Variants in CDH12 observed in about 807,000 individuals in gnomAD.
CDH12 encodes cadherin-12.
CDH12 carries 41 observed loss-of-function variants against 74.1 expected under a neutral mutation model. The observed-to-expected ratio is 0.55, with a 90% CI of 0.43 to 0.72. The LOEUF (loss-of-function observed/expected upper bound fraction) is 0.72, where lower values mean the gene tolerates loss of function less well. CDH12 is among the 30% of genes least tolerant of loss of function. The pLI is 0.00. For missense variants in CDH12, 945 were observed against 977.2 expected (o/e 0.97, Z 0.44); for synonymous variants, 399 against 355.0 (o/e 1.12, Z -1.39).
intron 6 of CDH12, chr5:21,883,522 A>T (rs1276691724): frequency 1.2e-6 from 2 of 1,612,724 alleles, no homozygotes; most frequent in East Asian, 4.5e-5. Flanking sequence ...AATAGAAAGA[A>T]CCAACTTAAA....
chr5:21,970,243 C>G (rs1165560178), intron 6 of CDH12, among the ~76,000 whole-genome samples: 1 of 152,218 alleles, frequency 6.6e-6, no homozygotes, highest in Admixed American at 6.5e-5. Context: ...AATAAATAGT[C>G]AACATTCTGT....
At chr5:22,580,397 TG>T in intron 1 of CDH12, 1 of 490,746 alleles carries the variant, frequency 2.0e-6, no homozygotes, top group African/African-American at 2.0e-5. Context: ...CATCGTAGGG[TG>T]GGTAGGGAGC....
rs114921096 is a variant in CDH12 at position 22,288,977 on chromosome 5, G to A, written c.-332-76334C>T. ...AAGGATTGCTTGAGCACAGAAGTTT[G>A]AAACCAGCCTGGCCTACATAGCAAG... On this transcript the variant is annotated intron_variant, in intron 3 of 14. Coordinates refer to ENST00000382254, the MANE Select transcript of CDH12 (RefSeq NM_004061.5). Among the ~76,000 whole-genome samples, 1,423 of 152,184 alleles carry A rather than the reference G, an allele frequency of 9.4e-3. 16 individuals carry two copies. The highest frequency in any genetic ancestry group is 0.033 in the African/African-American group (1,366 of 41,528).
intron 4 of CDH12, among the ~76,000 whole-genome samples, chr5:22,179,275 G>T (rs1181878588): frequency 4.6e-5 from 7 of 152,056 alleles, no homozygotes; most frequent in Admixed American, 3.9e-4. Context: ...AAATTAATTT[G>T]CTTGTGATTA....
intron 6 of CDH12, among the ~76,000 whole-genome samples, chr5:21,861,526 T>C (rs1019708997): frequency 6.6e-6 from 1 of 152,144 alleles, no homozygotes; most frequent in Non-Finnish European, 1.5e-5. Context: ...TGTTTTCCAG[T>C]GTAATTTCTT....
intron 1 of CDH12, among the ~76,000 whole-genome samples, chr5:22,824,551 T>C (rs1395390957): frequency 6.6e-6 from 1 of 152,062 alleles, no homozygotes; most frequent in East Asian, 1.9e-4. Flanking sequence ...AGGATAAACA[T>C]ATAGAATGTC....
At chr5:22,469,823 C>T (rs1035817506) in intron 2 of CDH12, among the ~76,000 whole-genome samples, 2 of 152,150 alleles carry the variant, frequency 1.3e-5, no homozygotes, top group Non-Finnish European at 2.9e-5. Context: ...TGTCCAAACA[C>T]TCTCCTTGGT....
At chr5:21,985,748 G>GT (rs1484750748) in intron 5 of CDH12, among the ~76,000 whole-genome samples, 1 of 152,070 alleles carries the variant, frequency 6.6e-6, no homozygotes, top group Non-Finnish European at 1.5e-5. Context: ...AAGTTGCCTA[G>GT]TTTCAAGCTA....
intron 1 of CDH12, among the ~76,000 whole-genome samples, chr5:22,849,605 A>G (rs1403420269): frequency 6.6e-6 from 1 of 152,166 alleles, no homozygotes; most frequent in Non-Finnish European, 1.5e-5. Context: ...AAGAGGCAAG[A>G]GTAACATATA....
chr5:22,357,923 A>T (rs888630946), intron 3 of CDH12, among the ~76,000 whole-genome samples: 7 of 152,186 alleles, frequency 4.6e-5, no homozygotes, highest in Non-Finnish European at 1.0e-4. Context: ...TTTTAACCTT[A>T]TAAAAATTCA....
chr5:21,972,741 T>A (rs1259406152), intron 6 of CDH12, among the ~76,000 whole-genome samples: 1 of 152,138 alleles, frequency 6.6e-6, no homozygotes, highest in African/African-American at 2.4e-5. Context: ...ACAAAAGTAA[T>A]GCATAGAGGT....
At chr5:22,524,023 C>T (rs1180824683) in intron 1 of CDH12, among the ~76,000 whole-genome samples, 2 of 150,888 alleles carry the variant, frequency 1.3e-5, no homozygotes, top group Non-Finnish European at 3.0e-5. Flanking sequence ...ACTCCATCAC[C>T]CAGGCTTCAG....
In CDH12 at chr5:22,798,784, G is replaced by C. The variant is rs538575171; in HGVS notation, c.-523+54274C>G. ...GTATAGTATGTTTTCTAAATATTTT[G>C]TTTATTTTTTAGTAAAAAATGTCAT... On this transcript the variant is annotated intron_variant, in intron 1 of 14. Transcript: ENST00000382254. 2.6e-5 allele frequency among the ~76,000 whole-genome samples: 4 copies of C among 152,088 alleles called. No individual in the cohort carries two copies. In the East Asian group the frequency reaches 7.7e-4, roughly 29 times the overall value.
chr5:22,008,718 A>G (rs928808380), intron 5 of CDH12, among the ~76,000 whole-genome samples: 81 of 152,248 alleles, frequency 5.3e-4, no homozygotes, highest in African/African-American at 1.9e-3. Context: ...GACTGGGCTT[A>G]GGGTACATTC....
At chr5:22,091,508 G>C (rs188821181) in intron 4 of CDH12, among the ~76,000 whole-genome samples, 2 of 151,882 alleles carry the variant, frequency 1.3e-5, no homozygotes, top group Admixed American at 1.3e-4. Context: ...AACAAAAGAA[G>C]TGAAAAATGC....
intron 4 of CDH12, among the ~76,000 whole-genome samples, chr5:22,112,273 A>T (rs912038185): frequency 6.6e-6 from 1 of 152,110 alleles, no homozygotes; most frequent in Non-Finnish European, 1.5e-5. Flanking sequence ...AAGGGGAAAA[A>T]GTTTTCTATT....
At chr5:22,182,244 C>CT (rs1749689127) in intron 4 of CDH12, among the ~76,000 whole-genome samples, 2 of 151,952 alleles carry the variant, frequency 1.3e-5, no homozygotes, top group South Asian at 2.1e-4. Context: ...GTTTAGATTC[C>CT]TTTTTTTCTA....
intron 1 of CDH12, among the ~76,000 whole-genome samples, chr5:22,601,855 A>AT (rs1736868415): frequency 6.6e-6 from 1 of 152,052 alleles, no homozygotes; most frequent in African/African-American, 2.4e-5. Context: ...TGAAAGGAAG[A>AT]AACTGGATAT....
At chr5:21,953,853 G>C (rs1433940995) in intron 6 of CDH12, among the ~76,000 whole-genome samples, 11 of 151,426 alleles carry the variant, frequency 7.3e-5, no homozygotes, top group African/African-American at 2.7e-4. Context: ...ATTTATTTAA[G>C]AAAAAAAATT....
Sources: allele counts gnomAD v4.1 joint callset (sites outside exome capture counted in the v4.1 genomes callset), GRCh38; gene constraint gnomAD v4.1.1; transcripts MANE v1.5; gene names NCBI Gene and HGNC (gene_info 2026-07-23, HGNC 2026-07-21).